Variants in PRKCA observed in about 807,000 individuals in gnomAD.
The protein encoded by PRKCA is protein kinase C alpha type.
PRKCA carries 27 observed loss-of-function variants against 87.0 expected under a neutral mutation model. The observed-to-expected ratio is 0.31, with a 90% confidence interval of 0.23 to 0.43. The LOEUF is 0.43. PRKCA is among the 20% of genes least tolerant of loss of function. The pLI, the probability that PRKCA is intolerant of heterozygous loss-of-function variation, is 1.00. For missense variants in PRKCA, 518 were observed against 852.3 expected (o/e 0.61, Z 4.88); for synonymous variants, 329 against 311.1 (o/e 1.06, Z -0.61).
intron 2 of PRKCA, among the ~76,000 whole-genome samples, chr17:66,368,730 A>G (rs77934252): frequency 0.011 from 1,742 of 152,204 alleles, 30 homozygotes; most frequent in African/African-American, 0.04. Context: ...TTCATAATAT[A>G]AAGACAGAAA....
intron 2 of PRKCA, among the ~76,000 whole-genome samples, chr17:66,439,824 T>G (rs1258616813): frequency 2.0e-5 from 3 of 152,218 alleles, no homozygotes; most frequent in African/African-American, 7.2e-5. Context: ...GCATTTTACC[T>G]TAAGGACCTG....
chr17:66,729,777 A>ATTTT (rs1973840673), intron 8 of PRKCA, among the ~76,000 whole-genome samples: 2 of 81,022 alleles, frequency 2.5e-5, no homozygotes, highest in Admixed American at 1.3e-4. Flanking sequence ...TGAGCGAGTT[A>ATTTT]TTCTTTTTTT....
intron 5 of PRKCA, among the ~76,000 whole-genome samples, chr17:66,663,569 T>C (rs899418927): frequency 4.6e-5 from 7 of 152,208 alleles, no homozygotes; most frequent in Non-Finnish European, 1.0e-4. Flanking sequence ...AATGACTTCA[T>C]GGAGGCAGGT....
intron 2 of PRKCA, among the ~76,000 whole-genome samples, chr17:66,485,804 C>G (rs182718923): frequency 6.6e-6 from 1 of 152,130 alleles, no homozygotes; most frequent in African/African-American, 2.4e-5. Flanking sequence ...GTCCCAAAGC[C>G]GAGTCCAGCC....
intron 8 of PRKCA, among the ~76,000 whole-genome samples, chr17:66,725,249 C>T (rs567259948): frequency 1.3e-5 from 2 of 152,290 alleles, no homozygotes; most frequent in South Asian, 4.1e-4. Flanking sequence ...TTCTGGGCTG[C>T]TTGTCTGCAC....
At chr17:66,779,782 C>T (rs576271577) in intron 14 of PRKCA, among the ~76,000 whole-genome samples, 23 of 152,156 alleles carry the variant, frequency 1.5e-4, no homozygotes, top group Non-Finnish European at 2.1e-4. Context: ...AAAATGTTTA[C>T]ACCAACCCAA....
chr17:66,624,738 G>C (rs2143711054), intron 3 of PRKCA, among the ~76,000 whole-genome samples: 1 of 151,936 alleles, frequency 6.6e-6, no homozygotes, highest in East Asian at 1.9e-4. Context: ...GGAGGCGGAG[G>C]TTGCAGTGAG....
In PRKCA at chr17:66,614,779, T is replaced by C. The variant is rs575060337; in HGVS notation, c.289-26576T>C. On this transcript the variant is annotated intron_variant, in intron 3 of 16. Coordinates refer to ENST00000413366, the MANE Select transcript of PRKCA (RefSeq NM_002737.3). ...GAGGTGTGCACAAATTCTTATTCTT[T>C]TTGTGCTTACTGCCAAAAAGGGTTT... Among the ~76,000 whole-genome samples the C allele has an allele frequency of 2.0e-5, 3 of 152,338 alleles. No individual in the cohort carries two copies. The South Asian group carries it at 6.2e-4, about 32-fold the overall frequency.
At chr17:66,696,937 A>G (rs1336523762) in intron 8 of PRKCA, among the ~76,000 whole-genome samples, 1 of 152,116 alleles carries the variant, frequency 6.6e-6, no homozygotes, top group Non-Finnish European at 1.5e-5. Context: ...CCCTGCTCCC[A>G]GGTTGCTAAT....
In PRKCA at chr17:66,409,249, C is replaced by G. The variant is rs377703114; in HGVS notation, c.206-86952C>G. ...AATAAGACTTAGGGGTTCGTTCTCC[C>G]TTTCTCCTCAGGTTCACTTGTTGAA... On this transcript the variant is annotated intron_variant, in intron 2 of 16. Transcript: ENST00000413366. 6.6e-5 allele frequency among the ~76,000 whole-genome samples: 10 copies of G among 152,090 alleles called. No homozygotes were observed. The East Asian group carries it at 1.2e-3, about 18-fold the overall frequency.
At position 66,331,943 on chromosome 17, in the gene PRKCA, T is replaced by C. The variant is rs117652603; in HGVS notation, c.205+25816T>C. Among the ~76,000 whole-genome samples the C allele has an allele frequency of 3.2e-4, 48 of 152,346 alleles. No individual in the cohort carries two copies. The East Asian group carries it at 4.8e-3, about 15-fold the overall frequency. On this transcript the variant is annotated intron_variant, in intron 2 of 16. Transcript: ENST00000413366. ...TCTCCAAGACAATATAAACTACGCA[T>C]TGTCTCTTTCTTGTTAAACCACTTT...
At chr17:66,465,187 G>C (rs1915032700) in intron 2 of PRKCA, among the ~76,000 whole-genome samples, 1 of 152,070 alleles carries the variant, frequency 6.6e-6, no homozygotes, top group Non-Finnish European at 1.5e-5. Context: ...AGAATAGGAA[G>C]GACTAATCCT....
At chr17:66,715,256 T>C (rs1438857540) in intron 8 of PRKCA, among the ~76,000 whole-genome samples, 1 of 152,148 alleles carries the variant, frequency 6.6e-6, no homozygotes, top group Admixed American at 6.5e-5. Context: ...TTGCCAGTTA[T>C]AGCTTGGGTG....
At chr17:66,644,123 G>A (rs1598840192) in intron 4 of PRKCA, among the ~76,000 whole-genome samples, 1 of 152,156 alleles carries the variant, frequency 6.6e-6, no homozygotes, top group Non-Finnish European at 1.5e-5. Context: ...CCTTTATATT[G>A]GCTAAATTCG....
intron 3 of PRKCA, among the ~76,000 whole-genome samples, chr17:66,566,125 G>A (rs1331228749): frequency 6.6e-6 from 1 of 152,090 alleles, no homozygotes. Flanking sequence ...TTGTCTTCCT[G>A]GACCCTCTCT....
intron 5 of PRKCA, among the ~76,000 whole-genome samples, chr17:66,664,649 T>G (rs1598855976): frequency 3.8e-5 from 2 of 52,282 alleles, no homozygotes; most frequent in South Asian, 6.0e-4. Context: ...TTGCTTTGGT[T>G]TTTTTTTTTT....
chr17:66,702,425 G>C (rs539011412), intron 8 of PRKCA, among the ~76,000 whole-genome samples: 5 of 152,254 alleles, frequency 3.3e-5, no homozygotes, highest in Non-Finnish European at 5.9e-5. Flanking sequence ...GGGTTGAGCA[G>C]GGTGTTGGAG....
chr17:66,493,754 C>T (rs761762766), intron 2 of PRKCA, among the ~76,000 whole-genome samples: 7 of 152,144 alleles, frequency 4.6e-5, no homozygotes, highest in Admixed American at 6.5e-5. Context: ...CAGCCTGGCA[C>T]GTGATAAGAT....
At chr17:66,749,804 A>G (rs1974389816) in intron 13 of PRKCA, among the ~76,000 whole-genome samples, 1 of 152,152 alleles carries the variant, frequency 6.6e-6, no homozygotes, top group African/African-American at 2.4e-5. Context: ...CTCTTTAGCC[A>G]GGTGATTGGA....
Sources: gnomAD v4.1 joint callset for allele counts (sites outside exome capture counted in the v4.1 genomes callset) on GRCh38, gnomAD v4.1.1 for gene constraint, MANE v1.5 for transcripts, NCBI Gene and HGNC (gene_info 2026-07-23, HGNC 2026-07-21) for gene names.